PCNX1: variants seen among roughly 807,000 people sequenced by gnomAD.
The protein encoded by PCNX1 is pecanex 1, also known as pecanex-like protein 1.
PCNX1 carries 78 observed loss-of-function variants against 242.2 expected under a neutral mutation model. That is an observed-to-expected ratio of 0.32 (90% confidence interval 0.27 to 0.39). PCNX1 has a LOEUF of 0.39. Among genes scored for constraint, PCNX1 ranks in the 10% least tolerant of loss-of-function variants. PCNX1 has a pLI of 1.00. For synonymous variants in PCNX1, 1,024 were observed against 1,032.9 expected (o/e 0.99, Z 0.17); for missense variants, 2,581 against 2,856.5 (o/e 0.90, Z 2.20).
intron 1 of PCNX1, 156 bp from the exon 2 acceptor site, chr14:70,946,759 T>C (rs78024637): frequency 0.011 from 6,659 of 596,720 alleles, 59 homozygotes; most frequent in East Asian, 0.015. Context: ...GTCTTTTGCA[T>C]TGGGCATTGA....
chr14:70,925,966 T>C (rs2056576278), intron 1 of PCNX1, among the ~76,000 whole-genome samples: 2 of 152,160 alleles, frequency 1.3e-5, no homozygotes, highest in Admixed American at 1.3e-4. Context: ...CTACCTGTGA[T>C]TGATTTGACA....
intron 30 of PCNX1, chr14:71,093,729 T>G (rs993464786): frequency 6.6e-6 from 1 of 152,182 alleles, no homozygotes; most frequent in African/African-American, 2.4e-5. Context: ...TCCTTCCACC[T>G]CCTCCACCTC....
At chr14:71,027,787 GA>G (rs2060277209) in intron 15 of PCNX1, among the ~76,000 whole-genome samples, 1 of 151,900 alleles carries the variant, frequency 6.6e-6, no homozygotes, top group Non-Finnish European at 1.5e-5. Context: ...GAAGGGGTAT[GA>G]ATTAAGACAG....
chr14:71,066,971 G>A (rs1029869933), intron 26 of PCNX1, among the ~76,000 whole-genome samples: 1 of 152,126 alleles, frequency 6.6e-6, no homozygotes, highest in African/African-American at 2.4e-5. Flanking sequence ...ACTTGATCAT[G>A]GTGAATAAGC....
At chr14:71,071,226 C>G (rs1030771840) in intron 26 of PCNX1, among the ~76,000 whole-genome samples, 1 of 152,222 alleles carries the variant, frequency 6.6e-6, no homozygotes, top group African/African-American at 2.4e-5. Context: ...CCAGACCACT[C>G]AAACATTCTC....
At chr14:71,027,321 C>T (rs901629869) in intron 15 of PCNX1, 1 of 152,008 alleles carries the variant, frequency 6.6e-6, no homozygotes, top group Admixed American at 6.6e-5. Flanking sequence ...AATGGTAACA[C>T]CAAAACCAGA....
intron 8 of PCNX1, among the ~76,000 whole-genome samples, chr14:70,996,808 C>T (rs2059366385): frequency 6.6e-6 from 1 of 152,068 alleles, no homozygotes; most frequent in African/African-American, 2.4e-5. Flanking sequence ...GTTACTGTTT[C>T]AACTGGAAGG....
rs374547725 is a variant in PCNX1 at position 71,089,212 on chromosome 14, A to T, written c.5459A>T (p.Tyr1820Phe). Residue 1820 changes from tyrosine to phenylalanine, a missense_variant, in exon 30 of 36, where the codon TAT becomes TTT. Tyr to Phe is a conservative substitution (Grantham distance 22). This residue lies in a region of PCNX1 where 298 missense variants were observed against 480.1 expected (regional missense o/e 0.62). Transcript: ENST00000304743. ...HMSSNLESFL[Y>F]GLHALFKGDF... The stretch of plus-strand genomic sequence containing the variant: ...AACAGTAATTTAGAGTCATTCCTCT[A>T]TGGATTGCATGCCCTATTTAAAGGA... 12 of 1,611,032 alleles carry T rather than the reference A, an allele frequency of 7.4e-6. No homozygotes were observed. The highest frequency in any genetic ancestry group is 1.3e-5 in the African/African-American group (1 of 74,970).
intron 1 of PCNX1, among the ~76,000 whole-genome samples, chr14:70,938,520 G>T (rs1198176764): frequency 1.3e-5 from 2 of 152,250 alleles, no homozygotes; most frequent in Non-Finnish European, 1.5e-5. Context: ...TGTGCTGCTG[G>T]ATTCGGTTTG....
intron 7 of PCNX1, among the ~76,000 whole-genome samples, chr14:70,994,413 A>ATGTATG (rs2059276014): frequency 7.8e-6 from 1 of 128,832 alleles, no homozygotes; most frequent in African/African-American, 2.9e-5. Flanking sequence ...ATATATATAT[A>ATGTATG]TATATATATA....
At chr14:70,943,293 C>T (rs1427999704) in intron 1 of PCNX1, among the ~76,000 whole-genome samples, 2 of 152,154 alleles carry the variant, frequency 1.3e-5, no homozygotes, top group African/African-American at 2.4e-5. Flanking sequence ...AAGTTTGGAA[C>T]TTCCTAGAGA....
intron 1 of PCNX1, among the ~76,000 whole-genome samples, chr14:70,912,950 A>G (rs1368251560): frequency 6.6e-6 from 1 of 152,104 alleles, no homozygotes; most frequent in Non-Finnish European, 1.5e-5. Flanking sequence ...TTAGGGCTGG[A>G]CTTCAGTATT....
At chr14:71,044,056 G>T (rs2060789276) in intron 19 of PCNX1, among the ~76,000 whole-genome samples, 1 of 152,138 alleles carries the variant, frequency 6.6e-6, no homozygotes, top group Admixed American at 6.5e-5. Context: ...GTTGTGCACG[G>T]TAGTGTACTC....
intron 1 of PCNX1, among the ~76,000 whole-genome samples, chr14:70,945,491 G>A (rs140899816): frequency 1.9e-3 from 282 of 151,592 alleles, no homozygotes; most frequent in African/African-American, 6.6e-3. Context: ...CTATTATGCC[G>A]ACACTCAACA....
chr14:71,111,076 CTTT>C lies in PCNX1; in HGVS notation c.*1144_*1146del, dbSNP rs906684881. The C allele has an allele frequency of 6.6e-6, 1 of 152,370 alleles. No homozygotes were observed. Among genetic ancestry groups the C allele is most frequent in the Non-Finnish European group, 1.5e-5 (1 of 67,964 alleles). 9.4% of individuals were successfully genotyped at this position (152,370 alleles called of 1,614,324 possible). ...TTTTGCTTTTTATTTTTCCCCTCTT[CTTT>C]TTCTGTTACTTGAATTTTATTTCCT... On this transcript the variant is annotated 3_prime_UTR_variant, in exon 36 of 36. Coordinates refer to ENST00000304743, the MANE Select transcript of PCNX1 (RefSeq NM_014982.3).
At chr14:71,060,110 G>C (rs565174636) in intron 26 of PCNX1, among the ~76,000 whole-genome samples, 1 of 152,164 alleles carries the variant, frequency 6.6e-6, no homozygotes, top group Non-Finnish European at 1.5e-5. Flanking sequence ...ATGGACTGCA[G>C]CAATGGACTG....
intron 5 of PCNX1, among the ~76,000 whole-genome samples, chr14:70,974,244 G>GTTTT (rs1202073692): frequency 3.4e-5 from 4 of 117,246 alleles, no homozygotes; most frequent in African/African-American, 1.3e-4. Context: ...TTTTTTTGTT[G>GTTTT]TTTTTTTTTT....
chr14:71,057,423 C>T, intron 25 of PCNX1, 86 bp from the exon 26 acceptor site: 1 of 805,748 alleles, frequency 1.2e-6, no homozygotes, highest in Non-Finnish European at 2.1e-6. Flanking sequence ...TAACCCCATA[C>T]TAGAAGTTTT....
At chr14:71,008,314 G>T (rs953100853) in intron 8 of PCNX1, among the ~76,000 whole-genome samples, 1 of 152,042 alleles carries the variant, frequency 6.6e-6, no homozygotes, top group Admixed American at 6.6e-5. Flanking sequence ...TTGTAGGCAT[G>T]GGAAAATCTG....
Sources: gnomAD v4.1 joint callset for allele counts (sites outside exome capture counted in the v4.1 genomes callset) on GRCh38, gnomAD v4.1.1 for gene constraint, gnomAD v4.1.1 regional missense constraint, MANE v1.5 for transcripts, NCBI Gene and HGNC (gene_info 2026-07-23, HGNC 2026-07-21) for gene names.